The following EPB41L5 variants were observed in gnomAD, a reference collection of about 807,000 sequenced individuals.
The protein encoded by EPB41L5 is erythrocyte membrane protein band 4.1 like 5.
Under a neutral mutation model 106.6 loss-of-function variants are expected in EPB41L5, and 55 were observed. That is an observed-to-expected ratio of 0.52 (90% CI 0.42 to 0.65). The LOEUF (loss-of-function observed/expected upper bound fraction) is 0.65, where lower values mean the gene tolerates loss of function less well. Among genes scored for constraint, EPB41L5 ranks in the 30% least tolerant of loss-of-function variants. EPB41L5 has a pLI of 0.00. For missense variants in EPB41L5, 871 were observed against 882.1 expected (o/e 0.99, Z 0.16); for synonymous variants, 297 against 306.7 (o/e 0.97, Z 0.33).
chr2:120,146,338 G>C, intron 20 of EPB41L5, 49 bp downstream of exon 20: 2 of 1,401,520 alleles, frequency 1.4e-6, no homozygotes, highest in Non-Finnish European at 2.0e-6. Flanking sequence ...ATCTATCTTT[G>C]TCTTTTTTTT....
At chr2:120,133,523 G>A (rs1685794597) in intron 18 of EPB41L5, among the ~76,000 whole-genome samples, 1 of 152,152 alleles carries the variant, frequency 6.6e-6, no homozygotes, top group African/African-American at 2.4e-5. Context: ...AAGCAATGCA[G>A]GGCACAATTT....
chr2:120,019,172 G>A lies in EPB41L5; in HGVS notation c.88G>A (p.Ala30Thr), dbSNP rs777262648. 2.5e-5 allele frequency: 40 copies of A among 1,613,704 alleles called. 1 individual carries two copies. Among genetic ancestry groups the A allele is most frequent in the African/African-American group, 9.4e-5 (7 of 74,802 alleles). The change falls in exon 2 of 25, where the codon GCC (alanine) becomes ACC (threonine). Residue 30 changes from alanine to threonine, a missense_variant. Coordinates refer to ENST00000263713, the MANE Select transcript of EPB41L5 (RefSeq NM_020909.4). ...KERLREAQRA[A>T]THIPAAGDSK... ...ACGACTCCGAGAAGCACAACGCGCC[G>A]CCACACATATTCCTGCAGCTGGAGA... is the stretch of plus-strand genomic sequence containing the variant.
chr2:120,109,773 G>A (rs539098365), intron 16 of EPB41L5, among the ~76,000 whole-genome samples: 137 of 152,212 alleles, frequency 9.0e-4, no homozygotes, highest in African/African-American at 3.2e-3. Flanking sequence ...TGTTTCACAG[G>A]TAGCAAAACT....
chr2:120,172,832 A>G (rs1687741174), intron 24 of EPB41L5, among the ~76,000 whole-genome samples: 1 of 152,206 alleles, frequency 6.6e-6, no homozygotes, highest in South Asian at 2.1e-4. Flanking sequence ...AGAGTTGCAG[A>G]AAGGATTTTG....
intron 2 of EPB41L5, among the ~76,000 whole-genome samples, chr2:120,026,128 A>T (rs979471389): frequency 1.3e-5 from 2 of 152,206 alleles, no homozygotes; most frequent in Middle Eastern, 3.2e-3. Flanking sequence ...ACTCAGAATA[A>T]AGACCTAAAA....
At chr2:120,072,978 T>G (rs1681979147) in intron 3 of EPB41L5, among the ~76,000 whole-genome samples, 200 bp from the exon 4 acceptor site, 2 of 151,954 alleles carry the variant, frequency 1.3e-5, no homozygotes, top group Admixed American at 1.3e-4. Context: ...TTTGTTCACG[T>G]GTGTCATAAG....
At chr2:120,078,907 A>G (rs1194111964) in intron 10 of EPB41L5, among the ~76,000 whole-genome samples, 1 of 152,146 alleles carries the variant, frequency 6.6e-6, no homozygotes, top group Non-Finnish European at 1.5e-5. Flanking sequence ...AATATTTATT[A>G]TTCCACAATC....
intron 20 of EPB41L5, among the ~76,000 whole-genome samples, chr2:120,156,430 C>A (rs1031413322): frequency 6.6e-6 from 1 of 152,222 alleles, no homozygotes; most frequent in Non-Finnish European, 1.5e-5. Flanking sequence ...CCCCACATCG[C>A]TTTGCTAGCA....
In EPB41L5 at chr2:120,136,887, C is replaced by A. The variant is rs1354439929; in HGVS notation, c.1599+5172C>A. Among the ~76,000 whole-genome samples, 3 of 151,790 alleles carry A rather than the reference C, an allele frequency of 2.0e-5. No homozygotes were observed. In the East Asian group the frequency reaches 5.8e-4, roughly 29 times the overall value. ...GATTTAATCAGTGTAGACCAATGGA[C>A]CTAATAGAACATTTTATCTAGTGGC... is the stretch of plus-strand genomic sequence containing the variant. On this transcript the variant is annotated intron_variant, in intron 18 of 24. Transcript: ENST00000263713.
At chr2:120,048,745 G>T (rs1680006024) in intron 3 of EPB41L5, among the ~76,000 whole-genome samples, 1 of 152,190 alleles carries the variant, frequency 6.6e-6, no homozygotes, top group African/African-American at 2.4e-5. Flanking sequence ...TGTGATGTTA[G>T]GGTGTCAGTT....
In EPB41L5 at chr2:120,068,309, C is replaced by CCT. The variant is rs1397414358; in HGVS notation, c.286-4868_286-4867dup. Among the ~76,000 whole-genome samples, 16 of 152,328 alleles carry CCT rather than the reference C, an allele frequency of 1.1e-4. No homozygotes were observed. In the East Asian group the frequency reaches 3.1e-3, roughly 29 times the overall value. On this transcript the variant is annotated intron_variant, in intron 3 of 24. Transcript: ENST00000263713. ...GCAGACCAGGAGATTCCCTCGGGTG[C>CCT]CTACGCCACAAGGGCCCTGGGTTTC...
chr2:120,034,501 A>G (rs1437236734), intron 2 of EPB41L5, among the ~76,000 whole-genome samples: 1 of 152,184 alleles, frequency 6.6e-6, no homozygotes, highest in Non-Finnish European at 1.5e-5. Context: ...TGTAGTGTAG[A>G]AATATTTTGT....
intron 2 of EPB41L5, among the ~76,000 whole-genome samples, chr2:120,028,801 G>C (rs982342974): frequency 2.0e-5 from 3 of 152,054 alleles, no homozygotes; most frequent in Non-Finnish European, 1.5e-5. Flanking sequence ...CTGATGGGAG[G>C]GGCGCATATC....
At chr2:120,114,501 C>T (rs1684863068) in intron 16 of EPB41L5, among the ~76,000 whole-genome samples, 1 of 152,112 alleles carries the variant, frequency 6.6e-6, no homozygotes, top group Non-Finnish European at 1.5e-5. Context: ...AGCTATAATG[C>T]TCTGTAGGTT....
intron 21 of EPB41L5, among the ~76,000 whole-genome samples, chr2:120,163,556 T>G (rs1687235364): frequency 6.6e-6 from 1 of 151,402 alleles, no homozygotes; most frequent in African/African-American, 2.4e-5. Context: ...AGGCACCTCC[T>G]TTATCCAGTA....
chr2:120,174,466 C>G (rs1271097603), intron 24 of EPB41L5, among the ~76,000 whole-genome samples: 1 of 85,676 alleles, frequency 1.2e-5, no homozygotes, highest in Non-Finnish European at 3.1e-5. Context: ...CCCCGTCTCA[C>G]AGAAAAAAAA....
chr2:120,174,595 C>T (rs1574809392), intron 24 of EPB41L5, among the ~76,000 whole-genome samples: 1 of 152,170 alleles, frequency 6.6e-6, no homozygotes, highest in African/African-American at 2.4e-5. Flanking sequence ...GTGTGTTTAA[C>T]ATATTTGCTA....
chr2:120,035,972 C>A (rs528860790), intron 2 of EPB41L5, among the ~76,000 whole-genome samples: 24 of 152,130 alleles, frequency 1.6e-4, no homozygotes, highest in African/African-American at 5.8e-4. Flanking sequence ...TAGGGGGCTG[C>A]TCCTGTGGCT....
At chr2:120,066,485 C>T (rs1574576863) in intron 3 of EPB41L5, among the ~76,000 whole-genome samples, 1 of 151,972 alleles carries the variant, frequency 6.6e-6, no homozygotes, top group Non-Finnish European at 1.5e-5. Context: ...ATATATAGTG[C>T]TCTATTATAT....
Sources: gnomAD v4.1 joint callset for allele counts (sites outside exome capture counted in the v4.1 genomes callset) on GRCh38, gnomAD v4.1.1 for gene constraint, MANE v1.5 for transcripts, NCBI Gene and HGNC (gene_info 2026-07-23, HGNC 2026-07-21) for gene names.